The following ZDHHC17 variants were observed in gnomAD, a reference collection of about 807,000 sequenced individuals.
ZDHHC17 encodes palmitoyltransferase ZDHHC17.
Under a neutral mutation model 90.3 loss-of-function variants are expected in ZDHHC17, and 40 were observed. The observed-to-expected ratio is 0.44, with a 90% CI of 0.34 to 0.58. ZDHHC17 has a LOEUF of 0.58. ZDHHC17 is among the 20% of genes least tolerant of loss of function. The pLI, the probability that ZDHHC17 is intolerant of heterozygous loss-of-function variation, is 0.01. For synonymous variants in ZDHHC17, 235 were observed against 252.4 expected (o/e 0.93, Z 0.65); for missense variants, 614 against 780.8 (o/e 0.79, Z 2.55).
intron 1 of ZDHHC17, among the ~76,000 whole-genome samples, chr12:76,771,742 C>T (rs973224728): frequency 1.3e-5 from 2 of 150,426 alleles, no homozygotes; most frequent in African/African-American, 4.9e-5. Flanking sequence ...TCCCTATTCT[C>T]ATGAAAAAAA....
intron 10 of ZDHHC17, among the ~76,000 whole-genome samples, chr12:76,829,958 G>T (rs1407470205): frequency 6.6e-6 from 1 of 152,080 alleles, no homozygotes; most frequent in African/African-American, 2.4e-5. Flanking sequence ...CTCCCAAGCA[G>T]CTGGGACTAC....
chr12:76,846,328 A>T, intron 13 of ZDHHC17: 1 of 380,202 alleles, frequency 2.6e-6, no homozygotes, highest in Admixed American at 4.2e-5. Context: ...CCTCACAAAG[A>T]ATAGGATTAG....
At chr12:76,766,941 C>T (rs939378671) in intron 1 of ZDHHC17, among the ~76,000 whole-genome samples, 2 of 151,306 alleles carry the variant, frequency 1.3e-5, no homozygotes, top group Admixed American at 6.6e-5. Flanking sequence ...ATTGCTTGAG[C>T]CTGGAAGGTT....
intron 2 of ZDHHC17, 134 bp downstream of exon 2, chr12:76,797,671 G>A (rs1458593969): frequency 1.4e-5 from 8 of 576,010 alleles, no homozygotes; most frequent in East Asian, 1.1e-4. Flanking sequence ...GGCCGGTTGC[G>A]GTGGCTCACA....
At chr12:76,850,074 G>A (rs1419227511) in intron 16 of ZDHHC17, among the ~76,000 whole-genome samples, 4 of 151,894 alleles carry the variant, frequency 2.6e-5, no homozygotes, top group Admixed American at 1.3e-4. Context: ...CATGCACCAC[G>A]CCCAGCTAGT....
Position 76,815,849 on chromosome 12 carries a change from C to G in ZDHHC17, c.609-8C>G. The G allele has an allele frequency of 7.3e-7, 1 of 1,363,154 alleles. No homozygotes were observed. The highest frequency in any genetic ancestry group is 1.9e-5 in the South Asian group (1 of 53,500). The allele number at this position is 1,363,154 out of a possible 1,614,324, so 84.4% of individuals were successfully genotyped here. ...TTGTTGTTTGTTTTTTTTTTTTTTC[C>G]TTTTCAGTGTGGATCCAACTAGATT... On this transcript the variant is annotated splice_polypyrimidine_tract_variant and splice_region_variant and intron_variant, in intron 6 of 16. Transcript: ENST00000426126.
chr12:76,770,397 TTA>T (rs1952478763), intron 1 of ZDHHC17, among the ~76,000 whole-genome samples: 2 of 152,182 alleles, frequency 1.3e-5, no homozygotes, highest in African/African-American at 2.4e-5. Flanking sequence ...AAGGGAGTGT[TTA>T]TTGAGAATCC....
intron 1 of ZDHHC17, among the ~76,000 whole-genome samples, chr12:76,780,410 AC>A (rs1285074599): frequency 2.6e-5 from 4 of 152,184 alleles, no homozygotes; most frequent in Non-Finnish European, 5.9e-5. Context: ...GCAGTTCTCT[AC>A]ACTTAACATC....
At chr12:76,801,099 G>T (rs1380236042) in intron 2 of ZDHHC17, among the ~76,000 whole-genome samples, 1 of 150,900 alleles carries the variant, frequency 6.6e-6, no homozygotes, top group Non-Finnish European at 1.5e-5. Context: ...TGTTGGTCAG[G>T]CTGGTCTCAA....
At chr12:76,768,180 T>C (rs528197114) in intron 1 of ZDHHC17, among the ~76,000 whole-genome samples, 1 of 152,350 alleles carries the variant, frequency 6.6e-6, no homozygotes, top group South Asian at 2.1e-4. Context: ...TGTTTTCTTT[T>C]GAAATAGGTG....
At chr12:76,797,775 T>A in intron 2 of ZDHHC17, among the ~76,000 whole-genome samples, 1 of 152,124 alleles carries the variant, frequency 6.6e-6, no homozygotes, top group East Asian at 1.9e-4. Context: ...AAACCCCGTC[T>A]CTACTAAAAA....
At chr12:76,836,771 G>A (rs1176561897) in intron 10 of ZDHHC17, among the ~76,000 whole-genome samples, 1 of 151,984 alleles carries the variant, frequency 6.6e-6, no homozygotes, top group Non-Finnish European at 1.5e-5. Flanking sequence ...GCGACCTATG[G>A]TAAAATCTTC....
intron 1 of ZDHHC17, among the ~76,000 whole-genome samples, chr12:76,786,129 T>C (rs1952682864): frequency 6.6e-6 from 1 of 151,810 alleles, no homozygotes; most frequent in African/African-American, 2.4e-5. Flanking sequence ...TTTCTTTTTT[T>C]TTTTTTAAAG....
intron 11 of ZDHHC17, 149 bp downstream of exon 11, chr12:76,842,255 C>T (rs1953444769): frequency 2.3e-6 from 2 of 860,154 alleles, no homozygotes; most frequent in South Asian, 2.8e-5. Flanking sequence ...ATTTGGTGCT[C>T]ATCCTTGGTG....
chr12:76,827,204 A>G (rs1055154240), intron 9 of ZDHHC17, among the ~76,000 whole-genome samples, 154 bp downstream of exon 9: 10 of 152,168 alleles, frequency 6.6e-5, no homozygotes, highest in African/African-American at 2.4e-4. Flanking sequence ...TTTTTTAAAC[A>G]TTGTTATGTT....
chr12:76,850,814 T>C (rs368927560), intron 16 of ZDHHC17, 33 bp from the exon 17 acceptor site: 63 of 1,606,850 alleles, frequency 3.9e-5, no homozygotes, highest in Non-Finnish European at 5.3e-5. Context: ...TTGTACTGAC[T>C]GACGTGTTTT....
At chr12:76,802,570 A>C (rs1952904423) in intron 2 of ZDHHC17, among the ~76,000 whole-genome samples, 1 of 152,004 alleles carries the variant, frequency 6.6e-6, no homozygotes, top group Admixed American at 6.5e-5. Flanking sequence ...GTGTTGTTCT[A>C]CTTAATGGTG....
rs185594483 is a variant in ZDHHC17, at chr12:76,808,271, C to T, written c.321-772C>T. On this transcript the variant is annotated intron_variant, in intron 3 of 16. Coordinates refer to ENST00000426126, the MANE Select transcript of ZDHHC17 (RefSeq NM_015336.4). ...AATCATTTATATTCAGGATTCACTG[C>T]GTTAATTATTCCCAAAGAAAGCATT... 1.1e-4 allele frequency among the ~76,000 whole-genome samples: 16 copies of T among 152,188 alleles called. No homozygotes were observed. In the East Asian group the frequency reaches 2.7e-3, roughly 26 times the overall value.
At chr12:76,797,338 T>A in intron 1 of ZDHHC17, 96 bp from the exon 2 acceptor site, 1 of 722,678 alleles carries the variant, frequency 1.4e-6, no homozygotes, top group Non-Finnish European at 2.1e-6. Context: ...TAATTAGCAT[T>A]TCTCAAACAA....
Sources: gnomAD v4.1 joint callset for allele counts (sites outside exome capture counted in the v4.1 genomes callset) on GRCh38, gnomAD v4.1.1 for gene constraint, MANE v1.5 for transcripts, NCBI Gene and HGNC (gene_info 2026-07-23, HGNC 2026-07-21) for gene names.